The following ZNF469 variants were observed in gnomAD, a reference collection of about 807,000 sequenced individuals.
ZNF469 encodes the protein zinc finger protein 469.
A neutral mutation model predicts 1.0 loss-of-function variants in ZNF469; 1 was observed. The ratio of observed to expected loss-of-function variants is 1.00; its 90% CI spans 0.35 to 4.73. The LOEUF is 4.73. Ranked by LOEUF, ZNF469 falls within the 30% of genes most tolerant of loss-of-function variation. ZNF469 has a pLI of 0.16. For missense variants in ZNF469, 6,100 were observed against 5,356.3 expected, an observed-to-expected ratio of 1.14 and a Z score of -4.33; for synonymous variants, 2,703 against 2,363.4, an observed-to-expected ratio of 1.14 and a Z score of -4.17.
the ZNF469 span, among the ~76,000 whole-genome samples, chr16:88,344,926 C>T: frequency 5.3e-5 from 8 of 152,216 alleles, no homozygotes; most frequent in Admixed American, 1.3e-4. Flanking sequence ...TGCAACCTTC[C>T]AGGTGTCAAG....
the ZNF469 span, among the ~76,000 whole-genome samples, chr16:88,140,857 C>G: frequency 2.6e-5 from 4 of 152,180 alleles, no homozygotes; most frequent in Admixed American, 2.6e-4. Context: ...CGCTTGAACC[C>G]AGGAGGCGGA....
chr16:88,201,987 C>T, the ZNF469 span, among the ~76,000 whole-genome samples: 1 of 152,120 alleles, frequency 6.6e-6, no homozygotes, highest in African/African-American at 2.4e-5. The surrounding 1 kb of genome is among the most constrained non-coding windows in gnomAD (Gnocchi z 5.0). Flanking sequence ...TGTTCCTCCT[C>T]CCTTTTTGCC....
the ZNF469 span, among the ~76,000 whole-genome samples, chr16:88,193,151 G>T: frequency 5.2e-3 from 70 of 13,440 alleles, 1 homozygote; most frequent in South Asian, 0.017. Flanking sequence ...ATGGTGGTGG[G>T]GATGGTGGTG....
At position 88,436,956 on chromosome 16, in the gene ZNF469, C is replaced by G. The variant is rs1906627702; in HGVS notation, c.9486C>G (p.His3162Gln). The G allele has an allele frequency of 6.7e-7, 1 of 1,496,668 alleles. No individual in the cohort carries two copies. Among genetic ancestry groups the G allele is most frequent in the Non-Finnish European group, 8.9e-7 (1 of 1,124,580 alleles). 92.7% of individuals were successfully genotyped at this position (1,496,668 alleles called of 1,614,324 possible). The change falls in exon 3 of 3, where the codon CAC (histidine) becomes CAG (glutamine). Residue 3162 changes from histidine (H) to glutamine (Q), a missense_variant. Physicochemically the swap from His to Gln is conservative, Grantham distance 24. Transcript: ENST00000565624. ...RFGSRELLRG[H>Q]LQERHAQSKA... is the part of the protein sequence containing the mutation. ...GCTCGCGGGAGCTGCTGCGGGGGCACCTGCAGGAGAGGCACGCGCAGAGCA... is the reference window on the plus strand; with the variant it reads ...GCTCGCGGGAGCTGCTGCGGGGGCAGCTGCAGGAGAGGCACGCGCAGAGCA...
At chr16:88,317,746 C>T in the ZNF469 span, among the ~76,000 whole-genome samples, 9 of 152,218 alleles carry the variant, frequency 5.9e-5, no homozygotes, top group East Asian at 1.9e-4. Flanking sequence ...TTCCCTTGAC[C>T]GTGACTTGAG....
the ZNF469 span, among the ~76,000 whole-genome samples, chr16:88,169,255 G>A: frequency 2.6e-5 from 4 of 152,294 alleles, no homozygotes; most frequent in East Asian, 1.9e-4. This position sits in a 1 kb window ranked among gnomAD's most constrained non-coding sequence, Gnocchi z 6.1. Context: ...TGTAATCTAC[G>A]TCAGTAAAAT....
chr16:88,436,998 G>T lies in ZNF469; in HGVS notation c.9528G>T (p.Ala3176=). ...RHAQSKAGPW[A]CGMCLKEVAD... is the part of the protein sequence containing the mutation. ...CGCAGAGCAAGGCCGGGCCCTGGGC[G>T]TGCGGCATGTGCCTGAAGGAGGTGG... Residue 3176 remains alanine, a synonymous_variant, in exon 3 of 3, where the codon GCG becomes GCT. Coordinates refer to ENST00000565624, the MANE Select transcript of ZNF469 (RefSeq NM_001367624.2). 6.6e-7 allele frequency: 1 copy of T among 1,520,274 alleles called. No homozygotes were observed. Among genetic ancestry groups the T allele is most frequent in the Non-Finnish European group, 8.8e-7 (1 of 1,136,000 alleles). The allele number at this position is 1,520,274 out of a possible 1,614,324, so 94.2% of individuals were successfully genotyped here.
At chr16:88,281,678 C>T in the ZNF469 span, among the ~76,000 whole-genome samples, 1 of 149,886 alleles carries the variant, frequency 6.7e-6, no homozygotes, top group Admixed American at 6.7e-5. Flanking sequence ...TGCTGTGCCA[C>T]ACCAACACTC....
chr16:88,223,474 G>A, the ZNF469 span, among the ~76,000 whole-genome samples: 3 of 152,206 alleles, frequency 2.0e-5, no homozygotes, highest in Non-Finnish European at 4.4e-5. Flanking sequence ...GAGAGGCTGA[G>A]TAAACACCAT....
chr16:88,311,145 A>G, the ZNF469 span, among the ~76,000 whole-genome samples: 16 of 152,228 alleles, frequency 1.1e-4, no homozygotes, highest in African/African-American at 3.6e-4. Context: ...TGTTTTTCTC[A>G]TGGTTAGACT....
the ZNF469 span, among the ~76,000 whole-genome samples, chr16:88,216,381 C>T: frequency 2.6e-5 from 4 of 151,734 alleles, no homozygotes; most frequent in Admixed American, 2.6e-4. Flanking sequence ...GTAGTCCCAG[C>T]TACTTGGGAG....
At chr16:88,315,723 C>A in the ZNF469 span, among the ~76,000 whole-genome samples, 3 of 152,178 alleles carry the variant, frequency 2.0e-5, no homozygotes, top group Non-Finnish European at 4.4e-5. Flanking sequence ...GCTTCTAAAG[C>A]CCCCAGGGTT....
At chr16:88,239,951 A>T in the ZNF469 span, among the ~76,000 whole-genome samples, 2 of 147,694 alleles carry the variant, frequency 1.4e-5, no homozygotes, top group Non-Finnish European at 3.0e-5. Flanking sequence ...CTAGGTAGGT[A>T]TTACAATCTG....
chr16:88,413,615 G>T (rs903491465), intron 1 of ZNF469, among the ~76,000 whole-genome samples: 1 of 152,236 alleles, frequency 6.6e-6, no homozygotes, highest in South Asian at 2.1e-4. Context: ...CTGCAGAGCT[G>T]GGGGCAGCGT....
chr16:88,214,018 G>A, the ZNF469 span, among the ~76,000 whole-genome samples: 8 of 152,308 alleles, frequency 5.3e-5, no homozygotes, highest in Admixed American at 3.3e-4. Flanking sequence ...GTGATTTTTA[G>A]AGGATGTTTG....
At chr16:88,328,723 G>A in the ZNF469 span, among the ~76,000 whole-genome samples, 2 of 152,214 alleles carry the variant, frequency 1.3e-5, no homozygotes, top group Non-Finnish European at 2.9e-5. Flanking sequence ...ACACACAGCT[G>A]AGTGCAATGG....
At chr16:88,153,789 C>T in the ZNF469 span, among the ~76,000 whole-genome samples, 1 of 152,210 alleles carries the variant, frequency 6.6e-6, no homozygotes, top group African/African-American at 2.4e-5. Flanking sequence ...TCTCCTCCCC[C>T]ATGTCCTCAC....
chr16:88,206,369 G>A, the ZNF469 span, among the ~76,000 whole-genome samples: 20 of 152,118 alleles, frequency 1.3e-4, no homozygotes, highest in African/African-American at 4.6e-4. Flanking sequence ...GCCTCCCTTG[G>A]GACTTCCATT....
At chr16:88,392,687 G>A (rs973911290) in intron 1 of ZNF469, among the ~76,000 whole-genome samples, 12 of 152,296 alleles carry the variant, frequency 7.9e-5, no homozygotes, top group Middle Eastern at 3.4e-3. Flanking sequence ...GCACCTGGAT[G>A]GCAGCTGCTG....
Sources: allele counts gnomAD v4.1 joint callset (sites outside exome capture counted in the v4.1 genomes callset), GRCh38; gene constraint gnomAD v4.1.1; non-coding constraint Gnocchi (gnomAD v3.1); transcripts MANE v1.5; gene names NCBI Gene and HGNC (gene_info 2026-07-23, HGNC 2026-07-21).